The following PRRC2B variants were observed in gnomAD, a reference collection of about 807,000 sequenced individuals.
PRRC2B encodes proline rich coiled-coil 2B.
PRRC2B carries 68 observed loss-of-function variants against 242.3 expected under a neutral mutation model. The observed-to-expected ratio is 0.28, with a 90% CI of 0.23 to 0.34. The LOEUF (loss-of-function observed/expected upper bound fraction) is 0.34. PRRC2B is among the 10% of genes least tolerant of loss of function. The pLI is 1.00. For synonymous variants in PRRC2B, 1,228 were observed against 1,173.6 expected (o/e 1.05, Z -0.95); for missense variants, 2,835 against 2,954.8 (o/e 0.96, Z 0.94).
chr9:131,454,935 T>C (rs544235005), intron 9 of PRRC2B, 141 bp from the exon 10 acceptor site: 1 of 577,750 alleles, frequency 1.7e-6, no homozygotes, highest in Non-Finnish European at 3.1e-6. Flanking sequence ...TGTTGGTCAG[T>C]CTGGTCTCAA....
chr9:131,457,425 C>T (rs1943113342), intron 10 of PRRC2B, among the ~76,000 whole-genome samples: 1 of 152,142 alleles, frequency 6.6e-6, no homozygotes, highest in South Asian at 2.1e-4. Context: ...ACAGTTTTGC[C>T]CCTGACTTTG....
At chr9:131,420,207 T>A (rs1032121045) in intron 1 of PRRC2B, among the ~76,000 whole-genome samples, 17 of 152,130 alleles carry the variant, frequency 1.1e-4, no homozygotes, top group Admixed American at 5.9e-4. Context: ...AACCCCACTT[T>A]CCCCACTCTG....
At position 131,459,101 on chromosome 9, in the gene PRRC2B, C is replaced by A. The variant is rs546009019; in HGVS notation, c.1212-63C>A. The A allele has an allele frequency of 1.0e-3, 1,549 of 1,481,484 alleles. 19 individuals carry two copies. The South Asian group carries it at 0.017, about 16-fold the overall frequency. The allele number at this position is 1,481,484 out of a possible 1,614,324, so 91.8% of individuals were successfully genotyped here. A position where few individuals can be genotyped will look rare whatever the true frequency, so the allele number is the denominator to read the frequency against. ...CTTGGGAATTCTCAAGGCCTCTGAC[C>A]AGTGAGATCAGAAATGCTTGGCCTG... On this transcript the variant is annotated intron_variant, in intron 10 of 31. Coordinates refer to ENST00000683519, the MANE Select transcript of PRRC2B (RefSeq NM_013318.4).
At chr9:131,478,878 A>C (rs1351584166) in intron 18 of PRRC2B, among the ~76,000 whole-genome samples, 1 of 152,158 alleles carries the variant, frequency 6.6e-6, no homozygotes, top group African/African-American at 2.4e-5. Context: ...CTCTAGGGTG[A>C]TAACAGTGGA....
At chr9:131,392,692 C>G, upstream of PRRC2B, among the ~76,000 whole-genome samples, 1 of 152,064 alleles carries the variant, frequency 6.6e-6, no homozygotes, top group East Asian at 1.9e-4. Context: ...GTAGGTGGAT[C>G]ACTTTAGCGC....
intron 4 of PRRC2B, among the ~76,000 whole-genome samples, chr9:131,437,834 G>T (rs2131336840): frequency 6.6e-6 from 1 of 152,350 alleles, no homozygotes; most frequent in South Asian, 2.1e-4. Context: ...CCCAGAATTT[G>T]AAAGAAAAGG....
At chr9:131,378,726 G>T (rs2131262250) in intron 1 of PRRC2B, among the ~76,000 whole-genome samples, 2 of 151,968 alleles carry the variant, frequency 1.3e-5, no homozygotes, top group South Asian at 2.1e-4. Context: ...TTTTGTTTTT[G>T]TTTTTTTAAT....
intron 1 of PRRC2B, among the ~76,000 whole-genome samples, chr9:131,417,532 C>G (rs1156920383): frequency 1.3e-5 from 2 of 152,094 alleles, no homozygotes; most frequent in Non-Finnish European, 2.9e-5. Context: ...TTCTGATATC[C>G]TGGGTGAAGG....
intron 1 of PRRC2B, among the ~76,000 whole-genome samples, chr9:131,411,540 G>A (rs184317829): frequency 2.2e-4 from 33 of 151,536 alleles, no homozygotes; most frequent in African/African-American, 7.0e-4. Flanking sequence ...TAGAGACAGG[G>A]TTTCACTGTG....
chr9:131,480,179 C>T (rs1285635181), intron 19 of PRRC2B, among the ~76,000 whole-genome samples: 1 of 152,208 alleles, frequency 6.6e-6, no homozygotes, highest in Non-Finnish European at 1.5e-5. Flanking sequence ...AGGGAAGGGA[C>T]TTGACTCAGG....
At chr9:131,465,328 G>A (rs1442663947) in intron 12 of PRRC2B, among the ~76,000 whole-genome samples, 2 of 152,078 alleles carry the variant, frequency 1.3e-5, no homozygotes, top group Non-Finnish European at 2.9e-5. Context: ...CTGAGATTTG[G>A]GGTATGAATG....
At chr9:131,467,050 C>T (rs953037101) in intron 12 of PRRC2B, among the ~76,000 whole-genome samples, 1 of 152,132 alleles carries the variant, frequency 6.6e-6, no homozygotes, top group Non-Finnish European at 1.5e-5. Flanking sequence ...ATCCATCCGC[C>T]TCGGCCTCCC....
At chr9:131,393,565 T>C (rs1219965098), upstream of PRRC2B, among the ~76,000 whole-genome samples, 1 of 152,254 alleles carries the variant, frequency 6.6e-6, no homozygotes, top group Non-Finnish European at 1.5e-5. Flanking sequence ...AAGTATTATT[T>C]CTGCTTCCTT....
intron 26 of PRRC2B, chr9:131,486,497 G>A: frequency 1.0e-6 from 1 of 985,438 alleles, no homozygotes; most frequent in South Asian, 4.7e-5. Flanking sequence ...TTCTGATGAA[G>A]AGAAGAAAGG....
chr9:131,420,502 T>TTC (rs1837805084), intron 1 of PRRC2B, among the ~76,000 whole-genome samples: 1 of 97,900 alleles, frequency 1.0e-5, no homozygotes, highest in African/African-American at 4.2e-5. Context: ...TCTTTTTTTT[T>TTC]TTTTTTTTGA....
chr9:131,414,622 G>T (rs1837595974), intron 1 of PRRC2B, among the ~76,000 whole-genome samples: 1 of 149,604 alleles, frequency 6.7e-6, no homozygotes, highest in African/African-American at 2.5e-5. Context: ...CCAGACTGGA[G>T]TGTAGTGGCC....
At chr9:131,478,021 C>T (rs994480847) in intron 17 of PRRC2B, 72 bp downstream of exon 17, 7 of 1,403,252 alleles carry the variant, frequency 5.0e-6, no homozygotes, top group South Asian at 1.2e-5. Context: ...TCGGGCCTCC[C>T]GAGTTTGCCC....
At chr9:131,405,325 C>T (rs1837333432) in intron 1 of PRRC2B, among the ~76,000 whole-genome samples, 1 of 152,172 alleles carries the variant, frequency 6.6e-6, no homozygotes, top group South Asian at 2.1e-4. Flanking sequence ...AAATGATTGT[C>T]CTTGCTGCCT....
intron 1 of PRRC2B, among the ~76,000 whole-genome samples, chr9:131,420,505 T>TTCTC (rs1837806640): frequency 8.1e-5 from 3 of 37,034 alleles, no homozygotes; most frequent in Admixed American, 3.4e-4. Context: ...TTTTTTTTTT[T>TTCTC]TTTTTGAGAT....
Sources: allele counts gnomAD v4.1 joint callset (sites outside exome capture counted in the v4.1 genomes callset), GRCh38; gene constraint gnomAD v4.1.1; transcripts MANE v1.5; gene names NCBI Gene and HGNC (gene_info 2026-07-23, HGNC 2026-07-21).